Variants in THSD4 observed in about 807,000 individuals in gnomAD.
The protein encoded by THSD4 is thrombospondin type-1 domain-containing protein 4.
In THSD4, 69 loss-of-function variants were observed where a neutral mutation model predicts 119.0. That is an observed-to-expected ratio of 0.58 (90% CI 0.48 to 0.71). The LOEUF (loss-of-function observed/expected upper bound fraction) is 0.71. Among genes scored for constraint, THSD4 ranks in the 30% least tolerant of loss-of-function variants. The pLI is 0.00. For missense variants in THSD4, 1,393 were observed against 1,391.1 expected (o/e 1.00, Z -0.02); for synonymous variants, 524 against 540.4 (o/e 0.97, Z 0.42).
intron 6 of THSD4, among the ~76,000 whole-genome samples, chr15:71,374,861 A>G (rs138825638): frequency 2.6e-5 from 4 of 152,336 alleles, no homozygotes; most frequent in African/African-American, 7.2e-5. Context: ...AAAGGCTAGG[A>G]CAGCAGACCA....
intron 7 of THSD4, among the ~76,000 whole-genome samples, chr15:71,501,001 AT>A (rs1405782110): frequency 1.3e-5 from 2 of 152,138 alleles, no homozygotes; most frequent in African/African-American, 4.8e-5. Flanking sequence ...TGTTTTTGCT[AT>A]TTCTGCAAAG....
intron 7 of THSD4, among the ~76,000 whole-genome samples, chr15:71,589,721 T>C (rs2049758455): frequency 7.2e-6 from 1 of 139,686 alleles, no homozygotes; most frequent in African/African-American, 2.5e-5. Context: ...AGAAAATCCC[T>C]TGTACATGTG....
At chr15:71,122,941 G>A (rs1249283022) in intron 1 of THSD4, among the ~76,000 whole-genome samples, 1 of 152,200 alleles carries the variant, frequency 6.6e-6, no homozygotes, top group African/African-American at 2.4e-5. Context: ...GCTGCTCATG[G>A]GGTCTTCAGA....
chr15:71,233,485 C>T (rs1392346292), intron 4 of THSD4, among the ~76,000 whole-genome samples: 4 of 151,926 alleles, frequency 2.6e-5, no homozygotes, highest in South Asian at 2.1e-4. Context: ...TTAAAAAAAA[C>T]ACACACGCAC....
Position 71,341,310 on chromosome 15 carries a change from G to T in THSD4, c.1016-70377G>T, listed in dbSNP as rs772621694. On this transcript the variant is annotated intron_variant, in intron 6 of 17. Transcript: ENST00000261862. ...GGAGAGCTCATGTATGGGTTAATCC[G>T]ACCATGAGCTCTGTAGGTCCGGCGG... The T allele has an allele frequency of 6.9e-6, 11 of 1,601,926 alleles. No individual in the cohort carries two copies. The Admixed American group carries it at 1.7e-4, about 24-fold the overall frequency.
chr15:71,623,404 G>A (rs1301961070), intron 7 of THSD4, among the ~76,000 whole-genome samples: 1 of 152,178 alleles, frequency 6.6e-6, no homozygotes, highest in Non-Finnish European at 1.5e-5. Flanking sequence ...AGAGAAAACT[G>A]AGATTTAGCA....
chr15:71,137,881 T>C (rs2040565795), intron 1 of THSD4, among the ~76,000 whole-genome samples: 1 of 152,222 alleles, frequency 6.6e-6, no homozygotes, highest in Admixed American at 6.5e-5. Flanking sequence ...TGTCTGGTTA[T>C]TTATTTTGTT....
chr15:71,381,567 C>T (rs2046229384), intron 6 of THSD4, among the ~76,000 whole-genome samples: 1 of 152,254 alleles, frequency 6.6e-6, no homozygotes, highest in African/African-American at 2.4e-5. Context: ...GAGTCCTTTC[C>T]ATCCTTTCCA....
chr15:71,373,475 C>A (rs1259618863), intron 6 of THSD4, among the ~76,000 whole-genome samples: 1 of 152,136 alleles, frequency 6.6e-6, no homozygotes, highest in Non-Finnish European at 1.5e-5. Context: ...GTGGCTGAAA[C>A]AAAGACATTT....
intron 7 of THSD4, among the ~76,000 whole-genome samples, chr15:71,440,508 T>C (rs1469121604): frequency 3.3e-5 from 5 of 152,214 alleles, no homozygotes; most frequent in Non-Finnish European, 7.3e-5. Context: ...TGGATAGATA[T>C]ATAATCCCCC....
intron 3 of THSD4, among the ~76,000 whole-genome samples, chr15:71,190,318 A>G (rs1202335470): frequency 6.6e-6 from 1 of 152,172 alleles, no homozygotes; most frequent in African/African-American, 2.4e-5. Context: ...ATGAGAGGGA[A>G]CCCCCTGGGG....
intron 8 of THSD4, among the ~76,000 whole-genome samples, chr15:71,717,707 CAGA>C (rs571313296): frequency 1.6e-4 from 25 of 152,162 alleles, no homozygotes; most frequent in African/African-American, 5.5e-4. Flanking sequence ...GCACGGGAGA[CAGA>C]GGAGCGGTAA....
At chr15:71,749,717 A>ATTTATTTATTTATTTATTTATTTT (rs2053411183) in intron 14 of THSD4, among the ~76,000 whole-genome samples, 2 of 144,526 alleles carry the variant, frequency 1.4e-5, no homozygotes, top group Admixed American at 1.4e-4. Flanking sequence ...TTATTTATTT[A>ATTTATTTATTTATTTATTTATTTT]TTTATTTATT....
upstream of THSD4, chr15:71,111,483 C>A (rs916401161): frequency 1.5e-6 from 2 of 1,304,456 alleles, no homozygotes; most frequent in African/African-American, 3.0e-5. Context: ...GGGAATCTAC[C>A]CTGAGATTTT....
At position 71,243,031 on chromosome 15, in the gene THSD4, C is replaced by G; in HGVS notation, c.847C>G (p.Pro283Ala). Residue 283 changes from proline (P) to alanine (A), a missense_variant, in exon 5 of 18, where the codon CCT (proline) becomes GCT (alanine). Coordinates refer to ENST00000261862, the MANE Select transcript of THSD4 (RefSeq NM_024817.3). Reference sequence around the variant, plus strand: ...TGGGGCAACTCAGAGCTTCTCTCAGCCTGCCCGATCTACAGCAATCTCATG... The same window carrying G: ...TGGGGCAACTCAGAGCTTCTCTCAGGCTGCCCGATCTACAGCAATCTCATG... ...THGATQSFSQ[P>A]ARSTAISCIG... The G allele has an allele frequency of 6.2e-7, 1 of 1,614,220 alleles. No individual in the cohort carries two copies.
At chr15:71,668,800 A>G (rs1296771428) in intron 8 of THSD4, among the ~76,000 whole-genome samples, 1 of 152,220 alleles carries the variant, frequency 6.6e-6, no homozygotes, top group Non-Finnish European at 1.5e-5. Flanking sequence ...GGATAACTGA[A>G]GATAACATGA....
intron 6 of THSD4, among the ~76,000 whole-genome samples, chr15:71,306,183 G>A (rs2045023101): frequency 6.6e-6 from 1 of 151,874 alleles, no homozygotes; most frequent in South Asian, 2.1e-4. Context: ...GTGGGCACCT[G>A]TAATCCCAGC....
intron 7 of THSD4, among the ~76,000 whole-genome samples, chr15:71,438,591 A>G (rs916910019): frequency 1.3e-5 from 2 of 152,194 alleles, no homozygotes; most frequent in Non-Finnish European, 2.9e-5. Context: ...CCAATTATGG[A>G]TAATTACCCA....
At chr15:71,301,803 T>G (rs761491719) in intron 6 of THSD4, among the ~76,000 whole-genome samples, 5 of 152,244 alleles carry the variant, frequency 3.3e-5, no homozygotes, top group Non-Finnish European at 5.9e-5. Context: ...CCTGCCTGGA[T>G]ACCTCAAGGG....
Sources: gnomAD v4.1 joint callset for allele counts (sites outside exome capture counted in the v4.1 genomes callset) on GRCh38, gnomAD v4.1.1 for gene constraint, MANE v1.5 for transcripts, NCBI Gene and HGNC (gene_info 2026-07-23, HGNC 2026-07-21) for gene names.